The following SPEF2 variants were observed in gnomAD, a reference collection of about 807,000 sequenced individuals.
SPEF2 encodes the protein sperm flagella and cilia-associated protein 2.
In SPEF2, 187 loss-of-function variants were observed where a neutral mutation model predicts 224.6. The ratio of observed to expected loss-of-function variants is 0.83; its 90% CI spans 0.74 to 0.94. SPEF2 has a LOEUF of 0.94. Ranked by LOEUF, SPEF2 falls within the 40% of genes least tolerant of loss-of-function variation. SPEF2 has a pLI of 0.00. For synonymous variants in SPEF2, 715 were observed against 707.3 expected, an observed-to-expected ratio of 1.01 and a Z score of -0.17; for missense variants, 2,170 against 2,135.6, an observed-to-expected ratio of 1.02 and a Z score of -0.32.
intron 19 of SPEF2, 49 bp from the exon 20 acceptor site, chr5:35,712,763 G>A: frequency 6.4e-7 from 1 of 1,563,894 alleles, no homozygotes; most frequent in Admixed American, 1.7e-5. Context: ...TATAGCCCAG[G>A]CTATTGAAGT....
At chr5:35,709,248 A>G in intron 19 of SPEF2, 127 bp downstream of exon 19, 2 of 1,487,768 alleles carry the variant, frequency 1.3e-6, no homozygotes, top group South Asian at 2.8e-5. Context: ...AAGGCTTTAC[A>G]CTCAGATGGA....
intron 30 of SPEF2, among the ~76,000 whole-genome samples, chr5:35,791,926 A>C (rs966089578): frequency 3.9e-5 from 6 of 152,158 alleles, no homozygotes; most frequent in African/African-American, 1.4e-4. Flanking sequence ...GGTGATCTGC[A>C]TGCATTTGGA....
intron 34 of SPEF2, among the ~76,000 whole-genome samples, chr5:35,803,942 A>G (rs1479184605): frequency 1.3e-5 from 2 of 152,246 alleles, no homozygotes; most frequent in East Asian, 1.9e-4. Context: ...CGAGGCATTC[A>G]TCAGTAATGC....
Position 35,763,829 on chromosome 5 carries a change from C to T in SPEF2, c.3801+127C>T, listed in dbSNP as rs548881408. On this transcript the variant is annotated intron_variant, in intron 26 of 36. Coordinates refer to ENST00000356031, the MANE Select transcript of SPEF2 (RefSeq NM_024867.4). ...ACTGTAGAAAATTGTACCTTCGAAA[C>T]ATTTTTTTTCTGAAAGAAATAGAGA... The T allele has an allele frequency of 3.8e-6, 3 of 796,236 alleles. No homozygotes were observed. The South Asian group carries it at 1.0e-4, about 27-fold the overall frequency. The allele number at this position is 796,236 out of a possible 1,614,324, so 49.3% of individuals were successfully genotyped here.
chr5:35,654,441 C>A, intron 6 of SPEF2, 99 bp from the exon 7 acceptor site: 1 of 949,500 alleles, frequency 1.1e-6, no homozygotes, highest in African/African-American at 1.7e-5. Context: ...ACAGTGAACT[C>A]AAGGGATCCT....
intron 26 of SPEF2, 93 bp downstream of exon 26, chr5:35,763,795 C>T (rs1417408727): frequency 8.7e-7 from 1 of 1,150,580 alleles, no homozygotes; most frequent in East Asian, 2.5e-5. Flanking sequence ...TGACACAATG[C>T]TCTCAAGCAC....
At chr5:35,631,874 T>G (rs546386517) in intron 2 of SPEF2, among the ~76,000 whole-genome samples, 5 of 152,334 alleles carry the variant, frequency 3.3e-5, no homozygotes, top group African/African-American at 1.2e-4. Context: ...GGCATTGTAT[T>G]AGGTATTATA....
intron 21 of SPEF2, among the ~76,000 whole-genome samples, chr5:35,736,646 A>G (rs1262231099): frequency 2.0e-5 from 3 of 152,212 alleles, no homozygotes; most frequent in Non-Finnish European, 4.4e-5. Context: ...TATGGGGATT[A>G]TAATTTGAGA....
rs200328258 is a variant in SPEF2, at chr5:35,705,779, C to A, written c.2636C>A (p.Thr879Lys). The A allele has an allele frequency of 2.3e-5, 34 of 1,503,122 alleles. No homozygotes were observed. The highest frequency in any genetic ancestry group is 3.1e-5 in the Non-Finnish European group (34 of 1,111,134). The allele number at this position is 1,503,122 out of a possible 1,614,324, so 93.1% of individuals were successfully genotyped here. ...SLCEKVKEIL[T>K]TEIAKKKNKV... ...TGTGAAAAAGTAAAAGAAATTCTTA[C>A]GACTGAAATAGCAAAAAAAAAGAAT... Residue 879 changes from threonine (T) to lysine (K), a missense_variant, in exon 18 of 37, where the codon ACG becomes AAG. Transcript: ENST00000356031.
chr5:35,736,687 C>CATG (rs1746662719), intron 21 of SPEF2, among the ~76,000 whole-genome samples: 1 of 152,132 alleles, frequency 6.6e-6, no homozygotes, highest in East Asian at 1.9e-4. Context: ...AGAGCCAAAC[C>CATG]ATATCATGGA....
intron 8 of SPEF2, among the ~76,000 whole-genome samples, chr5:35,666,221 G>T (rs1750442859): frequency 6.6e-6 from 1 of 152,144 alleles, no homozygotes; most frequent in Non-Finnish European, 1.5e-5. Flanking sequence ...CAGGAGGGAA[G>T]TCTTTTTCCT....
intron 23 of SPEF2, among the ~76,000 whole-genome samples, chr5:35,749,429 G>A (rs1326858351): frequency 4.6e-5 from 7 of 152,034 alleles, no homozygotes; most frequent in Admixed American, 4.6e-4. Flanking sequence ...GTTTGCTGAC[G>A]ATATGATCGT....
intron 33 of SPEF2, 41 bp from the exon 34 acceptor site, chr5:35,799,927 G>A (rs765868911): frequency 6.2e-7 from 1 of 1,606,984 alleles, no homozygotes; most frequent in South Asian, 1.1e-5. Context: ...CTGACTATGA[G>A]AGTGCACCCA....
chr5:35,745,622 G>A (rs1180584178), intron 23 of SPEF2, among the ~76,000 whole-genome samples: 5 of 152,092 alleles, frequency 3.3e-5, no homozygotes, highest in Admixed American at 3.3e-4. Flanking sequence ...CATAACTCCA[G>A]TGACCTGGGA....
At chr5:35,675,813 C>G in intron 10 of SPEF2, 3 of 411,418 alleles carry the variant, frequency 7.3e-6, no homozygotes, top group South Asian at 1.7e-5. Context: ...AAAGAGGGCT[C>G]TATTTGCCCT....
rs767885199 is a variant in SPEF2 at position 35,692,649 on chromosome 5, T to C, written c.1824T>C (p.Ser608=). ...IQAFHDNEKV[S]EVLPIQKNDE... Reference sequence around the variant, plus strand: ...CATTTCATGACAATGAAAAAGTCAGTGAGGTTCTACCAATTCAGAAAAATG... The same window carrying C: ...CATTTCATGACAATGAAAAAGTCAGCGAGGTTCTACCAATTCAGAAAAATG... Residue 608 remains serine (S), a synonymous_variant, in exon 12 of 37, where the codon AGT becomes AGC. Coordinates refer to ENST00000356031, the MANE Select transcript of SPEF2 (RefSeq NM_024867.4). The C allele has an allele frequency of 3.1e-6, 5 of 1,613,792 alleles. No individual in the cohort carries two copies. In the East Asian group the frequency reaches 6.7e-5, roughly 22 times the overall value.
At chr5:35,742,517 A>G (rs2149697549) in intron 23 of SPEF2, among the ~76,000 whole-genome samples, 1 of 152,098 alleles carries the variant, frequency 6.6e-6, no homozygotes, top group South Asian at 2.1e-4. Flanking sequence ...AAATTATTAG[A>G]TTTATATCAA....
intron 20 of SPEF2, among the ~76,000 whole-genome samples, chr5:35,720,987 CAG>C (rs1743560329): frequency 6.6e-6 from 1 of 152,140 alleles, no homozygotes; most frequent in Admixed American, 6.5e-5. Flanking sequence ...AATGATGACT[CAG>C]AAATTTTAAA....
intron 28 of SPEF2, among the ~76,000 whole-genome samples, chr5:35,774,354 G>T (rs765077231): frequency 1.1e-4 from 17 of 152,190 alleles, no homozygotes; most frequent in Non-Finnish European, 2.2e-4. Context: ...AATGTTGAAA[G>T]TTCGTATGAT....
Sources: gnomAD v4.1 joint callset for allele counts (sites outside exome capture counted in the v4.1 genomes callset) on GRCh38, gnomAD v4.1.1 for gene constraint, MANE v1.5 for transcripts, NCBI Gene and HGNC (gene_info 2026-07-23, HGNC 2026-07-21) for gene names.